S100A12: variants seen among roughly 807,000 people sequenced by gnomAD.
The protein encoded by S100A12 is S100 calcium binding protein A12.
S100A12 carries 3 observed loss-of-function variants against 4.0 expected under a neutral mutation model. The ratio of observed to expected loss-of-function variants is 0.75; its 90% CI spans 0.34 to 1.94. The LOEUF (loss-of-function observed/expected upper bound fraction) is 1.94. Among genes scored for constraint, S100A12 ranks in the 30% most tolerant of loss-of-function variants. The pLI is 0.07. For missense variants in S100A12, 122 were observed against 107.0 expected (o/e 1.14, Z -0.62); for synonymous variants, 50 against 41.4 (o/e 1.21, Z -0.79).
intron 1 of S100A12, among the ~76,000 whole-genome samples, chr1:153,375,281 C>T (rs1052394362): frequency 1.3e-5 from 2 of 152,142 alleles, no homozygotes; most frequent in Non-Finnish European, 1.5e-5. Context: ...ATCTCCTCAC[C>T]TCATGATCCG....
chr1:153,374,732 T>A (rs1335576475), intron 1 of S100A12, 120 bp from the exon 2 acceptor site: 1 of 686,420 alleles, frequency 1.5e-6, no homozygotes, highest in Non-Finnish European at 2.5e-6. Flanking sequence ...ATCTATTTTG[T>A]GGTCTCTGCT....
At chr1:153,374,951 G>C (rs1198590870) in intron 1 of S100A12, among the ~76,000 whole-genome samples, 3 of 152,192 alleles carry the variant, frequency 2.0e-5, no homozygotes, top group African/African-American at 7.2e-5. Flanking sequence ...TTCCTCAGGT[G>C]ATGGCACTAT....
intron 1 of S100A12, among the ~76,000 whole-genome samples, chr1:153,375,010 T>C (rs1206275349): frequency 6.6e-6 from 1 of 152,124 alleles, no homozygotes; most frequent in African/African-American, 2.4e-5. Context: ...TGCTTAGCCA[T>C]TCTTTTTTTG....
chr1:153,374,601 C>A lies in S100A12; in HGVS notation c.-9G>T, dbSNP rs772344360. On this transcript the variant is annotated 5_prime_UTR_variant, in exon 2 of 3. Coordinates refer to ENST00000368737, the MANE Select transcript of S100A12 (RefSeq NM_005621.2). ...TCTTCAAGTTTTGTCATCTTCCCAGCCTAATGTTAACCTTCAAGGAAACAA... is the reference window on the plus strand; with the variant it reads ...TCTTCAAGTTTTGTCATCTTCCCAGACTAATGTTAACCTTCAAGGAAACAA... 6.2e-7 allele frequency: 1 copy of A among 1,612,216 alleles called. No homozygotes were observed. The highest frequency in any genetic ancestry group is 8.5e-7 in the Non-Finnish European group (1 of 1,178,796).
chr1:153,373,871 C>T lies in S100A12; in HGVS notation c.235G>A (p.Ala79Thr). 6.2e-7 allele frequency: 1 copy of T among 1,613,746 alleles called. No homozygotes were observed. The highest frequency in any genetic ancestry group is 1.7e-5 in the Admixed American group (1 of 60,026). ...TAATGGGCAGCCTTCAGCGCAATGG[C>T]TACCAGGGATATGAATTCTTGAAAG... ...VDFQEFISLV[A>T]IALKAAHYHT... The change falls in exon 3 of 3, where the codon GCC (alanine) becomes ACC (threonine). Residue 79 changes from alanine to threonine, a missense_variant. Coordinates refer to ENST00000368737, the MANE Select transcript of S100A12 (RefSeq NM_005621.2).
At chr1:153,374,925 G>T (rs1447000421) in intron 1 of S100A12, among the ~76,000 whole-genome samples, 2 of 152,196 alleles carry the variant, frequency 1.3e-5, no homozygotes, top group Non-Finnish European at 2.9e-5. Flanking sequence ...TTCTGTGATT[G>T]GCCAGGCTGT....
intron 2 of S100A12, 94 bp from the exon 3 acceptor site, chr1:153,374,061 GC>G: frequency 8.6e-7 from 1 of 1,161,620 alleles, no homozygotes; most frequent in African/African-American, 1.5e-5. Context: ...GGTTGTGAAG[GC>G]CCAGGCACAT....
chr1:153,374,033 C>T (rs1341147438), intron 2 of S100A12, 66 bp from the exon 3 acceptor site: 1 of 1,493,934 alleles, frequency 6.7e-7, no homozygotes, highest in Non-Finnish European at 9.3e-7. Flanking sequence ...TCTTAGGCCT[C>T]TTATCCCTCA....
At position 153,373,720 on chromosome 1, in the gene S100A12, G is replaced by A. The variant is rs747472330; in HGVS notation, c.*107C>T. 2.8e-5 allele frequency: 26 copies of A among 933,866 alleles called. No homozygotes were observed. Among genetic ancestry groups the A allele is most frequent in the Non-Finnish European group, 4.2e-5 (25 of 595,968 alleles). The allele number at this position is 933,866 out of a possible 1,614,324, so 57.8% of individuals were successfully genotyped here. On this transcript the variant is annotated 3_prime_UTR_variant, in exon 3 of 3. Coordinates refer to ENST00000368737, the MANE Select transcript of S100A12 (RefSeq NM_005621.2). ...AGACACTATTCAGAACTTTTCGTGAGTGTGTTTATTAACTCTTACTCCCCA... is the reference window on the plus strand; with the variant it reads ...AGACACTATTCAGAACTTTTCGTGAATGTGTTTATTAACTCTTACTCCCCA...
chr1:153,373,765 G>A lies in S100A12; in HGVS notation c.*62C>T. The A allele has an allele frequency of 7.0e-7, 1 of 1,428,058 alleles. No homozygotes were observed. The allele number at this position is 1,428,058 out of a possible 1,614,324, so 88.5% of individuals were successfully genotyped here. A position where few individuals can be genotyped will look rare whatever the true frequency, so the allele number is the denominator to read the frequency against. ...TCCCCACGGGCAAGGCTGGGTTTTG[G>A]TGAGGGAAAGAAAAGACCCTCATTG... is the stretch of plus-strand genomic sequence containing the variant. On this transcript the variant is annotated 3_prime_UTR_variant, in exon 3 of 3. Coordinates refer to ENST00000368737, the MANE Select transcript of S100A12 (RefSeq NM_005621.2).
Position 153,374,475 on chromosome 1 carries a change from C to T in S100A12, c.118G>A (p.Glu40Lys), listed in dbSNP as rs185042904. 3.7e-5 allele frequency: 59 copies of T among 1,613,968 alleles called. 1 individual carries two copies. The East Asian group carries it at 1.3e-3, about 35-fold the overall frequency. Residue 40 changes from glutamate (E) to lysine (K), a missense_variant, in exon 2 of 3, where the codon GAG becomes AAG. Coordinates refer to ENST00000368737, the MANE Select transcript of S100A12 (RefSeq NM_005621.2). ...KGELKQLLTK[E>K]LANTIKNIKD... is the part of the protein sequence containing the mutation. ...CCTACCTTGATGGTGTTTGCAAGCT[C>T]CTTTGTAAGCAGCTGCTTCAGCTCA...
intron 2 of S100A12, 128 bp downstream of exon 2, chr1:153,374,327 C>T: frequency 1.2e-6 from 1 of 832,690 alleles, no homozygotes; most frequent in Non-Finnish European, 1.9e-6. Flanking sequence ...GCGGGGAGAG[C>T]ATCCTTTGGG....
intron 2 of S100A12, 63 bp from the exon 3 acceptor site, chr1:153,374,030 C>T (rs1434574238): frequency 6.7e-7 from 1 of 1,492,668 alleles, no homozygotes; most frequent in East Asian, 2.3e-5. Context: ...CTTTCTTAGG[C>T]CTCTTATCCC....
rs2233863 is a variant in S100A12, at chr1:153,374,050, G to A, written c.139-83C>T. On this transcript the variant is annotated intron_variant, in intron 2 of 2. Coordinates refer to ENST00000368737, the MANE Select transcript of S100A12 (RefSeq NM_005621.2). Reference sequence around the variant, plus strand: ...TTAGGCCTCTTATCCCTCAGAGCTCGGGTTGTGAAGGCCCAGGCACATTAA... The same window carrying A: ...TTAGGCCTCTTATCCCTCAGAGCTCAGGTTGTGAAGGCCCAGGCACATTAA... The A allele has an allele frequency of 1.5e-4, 198 of 1,282,838 alleles. 1 individual carries two copies. In the South Asian group the frequency reaches 1.9e-3, roughly 13 times the overall value. The allele number at this position is 1,282,838 out of a possible 1,614,324, so 79.5% of individuals were successfully genotyped here.
chr1:153,373,733 C>A lies in S100A12; in HGVS notation c.*94G>T. On this transcript the variant is annotated 3_prime_UTR_variant, in exon 3 of 3. Coordinates refer to ENST00000368737, the MANE Select transcript of S100A12 (RefSeq NM_005621.2). ...AACTTTTCGTGAGTGTGTTTATTAACTCTTACTCCCCACGGGCAAGGCTGG... is the reference window on the plus strand; with the variant it reads ...AACTTTTCGTGAGTGTGTTTATTAAATCTTACTCCCCACGGGCAAGGCTGG... 1 of 1,075,946 alleles carries A rather than the reference C, an allele frequency of 9.3e-7. No individual in the cohort carries two copies. The highest frequency in any genetic ancestry group is 1.4e-5 in the South Asian group (1 of 72,566). The allele number at this position is 1,075,946 out of a possible 1,614,324, so 66.6% of individuals were successfully genotyped here.
chr1:153,374,816 C>T (rs1465874919), intron 1 of S100A12, among the ~76,000 whole-genome samples: 2 of 152,170 alleles, frequency 1.3e-5, no homozygotes, highest in Non-Finnish European at 2.9e-5. Context: ...TGTCTAACGT[C>T]TAAAAAAATC....
Position 153,373,962 on chromosome 1 carries a change from G to A in S100A12, c.144C>T (p.Ile48=), listed in dbSNP as rs765489366. 1.2e-6 allele frequency: 2 copies of A among 1,613,728 alleles called. No homozygotes were observed. Among genetic ancestry groups the A allele is most frequent in the Non-Finnish European group, 1.7e-6 (2 of 1,179,656 alleles). Residue 48 remains isoleucine (I), a synonymous_variant, in exon 3 of 3, where the codon ATC becomes ATT. Coordinates refer to ENST00000368737, the MANE Select transcript of S100A12 (RefSeq NM_005621.2). ...TTTCATCAATGACAGCTTTATCTTT[G>A]ATATTCTAGGAAAAAAGGACAACAG... is the stretch of plus-strand genomic sequence containing the variant. The part of the protein sequence containing the change: ...TKELANTIKN[I]KDKAVIDEIF...
chr1:153,374,425 C>A lies in S100A12; in HGVS notation c.138+30G>T, dbSNP rs367754252. On this transcript the variant is annotated intron_variant, in intron 2 of 2. Transcript: ENST00000368737. ...ACTCCCCTCAGTGCAGGGTCATGGGCAAGTTTGCAGTGAGAGGGGCATCAC... is the reference window on the plus strand; with the variant it reads ...ACTCCCCTCAGTGCAGGGTCATGGGAAAGTTTGCAGTGAGAGGGGCATCAC... 17 of 1,601,432 alleles carry A rather than the reference C, an allele frequency of 1.1e-5. No individual in the cohort carries two copies. The African/African-American group carries it at 1.9e-4, about 18-fold the overall frequency.
intron 2 of S100A12, 24 bp from the exon 3 acceptor site, chr1:153,373,991 C>G (rs751703597): frequency 6.2e-7 from 1 of 1,612,500 alleles, no homozygotes; most frequent in African/African-American, 1.3e-5. Context: ...ACAACAGAGA[C>G]CTTGAGTTCA....
Sources: gnomAD v4.1 joint callset for allele counts (sites outside exome capture counted in the v4.1 genomes callset) on GRCh38, gnomAD v4.1.1 for gene constraint, MANE v1.5 for transcripts, NCBI Gene and HGNC (gene_info 2026-07-23, HGNC 2026-07-21) for gene names.